Variants in MGAT4C observed in about 807,000 individuals in gnomAD.
The protein encoded by MGAT4C is alpha-1,3-mannosyl-glycoprotein 4-beta-N-acetylglucosaminyltransferase C.
MGAT4C carries 19 observed loss-of-function variants against 40.1 expected under a neutral mutation model. The observed-to-expected ratio is 0.47, with a 90% confidence interval of 0.33 to 0.70. The LOEUF (loss-of-function observed/expected upper bound fraction) is 0.70, where lower values mean the gene tolerates loss of function less well. MGAT4C is among the 30% of genes least tolerant of loss of function. MGAT4C has a pLI of 0.02. For missense variants in MGAT4C, 491 were observed against 563.2 expected (o/e 0.87, Z 1.30); for synonymous variants, 181 against 187.1 (o/e 0.97, Z 0.27).
At position 86,517,536 on chromosome 12, in the gene MGAT4C, A is replaced by G. The variant is rs144561792; in HGVS notation, c.-228-82271T>C. On this transcript the variant is annotated intron_variant, in intron 2 of 7. Transcript: ENST00000548651. ...GGACTATGAAAGGTTTATTACTCAT[A>G]TAATGAGGCTCCTGGGAAAACCAGG... 2.5e-3 allele frequency among the ~76,000 whole-genome samples: 379 copies of G among 152,332 alleles called. 1 individual carries two copies. The highest frequency in any genetic ancestry group is 8.9e-3 in the African/African-American group (372 of 41,568).
chr12:86,756,602 T>C (rs555309484), intron 1 of MGAT4C, among the ~76,000 whole-genome samples: 4 of 152,268 alleles, frequency 2.6e-5, no homozygotes, highest in African/African-American at 7.2e-5. Flanking sequence ...CTATATTTCA[T>C]AGGAGGGAAA....
At chr12:86,368,574 T>G (rs956700849) in intron 3 of MGAT4C, among the ~76,000 whole-genome samples, 4 of 151,928 alleles carry the variant, frequency 2.6e-5, no homozygotes, top group African/African-American at 7.2e-5. Flanking sequence ...TCTCATAAGA[T>G]TCAGTGTGTT....
intron 1 of MGAT4C, chr12:86,745,190 T>C (rs1951135082): frequency 6.6e-6 from 1 of 151,428 alleles, no homozygotes; most frequent in Non-Finnish European, 1.5e-5. Flanking sequence ...TTTTAAAAAA[T>C]GGGCTCTTCA....
chr12:86,792,578 A>C (rs980948452), intron 1 of MGAT4C, among the ~76,000 whole-genome samples: 22 of 152,198 alleles, frequency 1.4e-4, no homozygotes, highest in Non-Finnish European at 2.4e-4. Flanking sequence ...CAGTTAAAAA[A>C]AATAAACTAT....
At chr12:86,255,583 A>T (rs1467820362) in intron 1 of MGAT4C, among the ~76,000 whole-genome samples, 4 of 152,174 alleles carry the variant, frequency 2.6e-5, no homozygotes, top group Non-Finnish European at 5.9e-5. Flanking sequence ...TGCACCAAAA[A>T]GCATAACAAA....
chr12:86,015,119 A>G (rs565674547), intron 2 of MGAT4C, among the ~76,000 whole-genome samples: 1 of 150,316 alleles, frequency 6.7e-6, no homozygotes, highest in South Asian at 2.1e-4. Flanking sequence ...TCTGTGTCCT[A>G]CTTCTGTTTT....
At chr12:86,332,135 G>A (rs1463194292) in intron 4 of MGAT4C, among the ~76,000 whole-genome samples, 1 of 151,860 alleles carries the variant, frequency 6.6e-6, no homozygotes, top group Non-Finnish European at 1.5e-5. Flanking sequence ...AGAATATAAT[G>A]AACAATTTTA....
chr12:86,096,963 A>G (rs1347905278), intron 1 of MGAT4C, among the ~76,000 whole-genome samples: 1 of 151,384 alleles, frequency 6.6e-6, no homozygotes, highest in African/African-American at 2.4e-5. Context: ...TTCTTTTGCT[A>G]CTTTTCCAAT....
intron 2 of MGAT4C, among the ~76,000 whole-genome samples, chr12:86,579,699 T>C (rs1486127537): frequency 2.0e-5 from 3 of 151,612 alleles, no homozygotes; most frequent in African/African-American, 7.3e-5. Context: ...TTCTTTCTAA[T>C]TGAGTATTCC....
At position 86,200,182 on chromosome 12, in the gene MGAT4C, G is replaced by GT. The variant is rs58920944; in HGVS notation, c.-57+56056dup. Among the ~76,000 whole-genome samples the GT allele has an allele frequency of 7.6e-3, 387 of 50,596 alleles. 2 individuals are homozygous for GT. The highest frequency in any genetic ancestry group is 0.051 in the African/African-American group (369 of 7,250). The allele number at this position is 50,596 out of a possible 152,430, so 33.2% of individuals were successfully genotyped here. ...TTTGTTTTTTTTTGGTCTGGCTTTT[G>GT]TTTTTTTTTGAGATAGAGTCTTGAT... On this transcript the variant is annotated intron_variant, in intron 1 of 4. Coordinates refer to ENST00000611864, the MANE Select transcript of MGAT4C (RefSeq NM_001351288.2).
chr12:86,656,527 T>C (rs1963854427), intron 2 of MGAT4C, among the ~76,000 whole-genome samples: 1 of 152,022 alleles, frequency 6.6e-6, no homozygotes, highest in African/African-American at 2.4e-5. Context: ...ATTAAAACAA[T>C]CCATATGAGG....
At chr12:86,048,972 G>C (rs139708940) in intron 2 of MGAT4C, among the ~76,000 whole-genome samples, 1 of 151,910 alleles carries the variant, frequency 6.6e-6, no homozygotes, top group East Asian at 1.9e-4. Flanking sequence ...TTTTTCAAGA[G>C]TAAGAGTAAA....
intron 1 of MGAT4C, among the ~76,000 whole-genome samples, chr12:86,218,819 C>T (rs1256224072): frequency 6.6e-6 from 1 of 152,118 alleles, no homozygotes; most frequent in Non-Finnish European, 1.5e-5. Flanking sequence ...TCAAAATGAT[C>T]TATGTTAAAC....
chr12:86,514,101 CA>C (rs1958642239), intron 2 of MGAT4C, among the ~76,000 whole-genome samples: 3 of 150,558 alleles, frequency 2.0e-5, no homozygotes, highest in Non-Finnish European at 4.4e-5. Flanking sequence ...CACACACACA[CA>C]CACACACAAC....
intron 2 of MGAT4C, among the ~76,000 whole-genome samples, chr12:86,439,854 C>G (rs1957197643): frequency 6.6e-6 from 1 of 150,778 alleles, no homozygotes; most frequent in Non-Finnish European, 1.5e-5. Flanking sequence ...CACCTCTATA[C>G]ATACAAACTA....
chr12:86,181,879 C>A (rs1888164343), intron 1 of MGAT4C, among the ~76,000 whole-genome samples: 1 of 152,040 alleles, frequency 6.6e-6, no homozygotes, highest in South Asian at 2.1e-4. Context: ...TTAAACCCTT[C>A]TGAACTTTCC....
At chr12:86,357,629 C>G (rs957506886) in intron 3 of MGAT4C, among the ~76,000 whole-genome samples, 1 of 152,126 alleles carries the variant, frequency 6.6e-6, no homozygotes, top group Non-Finnish European at 1.5e-5. Context: ...TAGAGAAGAA[C>G]TTAAATGACC....
chr12:86,718,536 TCTC>T (rs1207280736), intron 2 of MGAT4C, among the ~76,000 whole-genome samples: 1 of 152,046 alleles, frequency 6.6e-6, no homozygotes, highest in East Asian at 1.9e-4. Context: ...TGCATGGACA[TCTC>T]CTCTCTGTAT....
At chr12:86,353,288 C>T (rs1392868667) in intron 3 of MGAT4C, among the ~76,000 whole-genome samples, 3 of 152,102 alleles carry the variant, frequency 2.0e-5, no homozygotes, top group Non-Finnish European at 4.4e-5. Flanking sequence ...GTCACACTCT[C>T]TTCCGCTGAA....
Sources: allele counts gnomAD v4.1 joint callset (sites outside exome capture counted in the v4.1 genomes callset), GRCh38; gene constraint gnomAD v4.1.1; transcripts MANE v1.5; gene names NCBI Gene and HGNC (gene_info 2026-07-23, HGNC 2026-07-21).